The following NXPE2 variants were observed in gnomAD, a reference collection of about 807,000 sequenced individuals.
NXPE2 encodes the protein neurexophilin and PC-esterase domain family member 2, also known as NXPE family member 2.
Under a neutral mutation model 34.4 loss-of-function variants are expected in NXPE2, and 34 were observed. That is an observed-to-expected ratio of 0.99 (90% CI 0.75 to 1.31). The LOEUF (loss-of-function observed/expected upper bound fraction) is 1.31. NXPE2 is among the 40% of genes most tolerant of loss of function. NXPE2 has a pLI of 0.00. For synonymous variants in NXPE2, 235 were observed against 231.3 expected (o/e 1.02, Z -0.15); for missense variants, 649 against 672.5 (o/e 0.97, Z 0.39).
the NXPE2 span, among the ~76,000 whole-genome samples, chr11:114,774,896 G>GT: frequency 2.6e-5 from 4 of 152,188 alleles, no homozygotes; most frequent in Non-Finnish European, 4.4e-5. Flanking sequence ...CTGTGCGCTG[G>GT]TACCTATGGC....
chr11:114,691,865 TG>T (rs1200498218), intron 2 of NXPE2, among the ~76,000 whole-genome samples: 3 of 152,184 alleles, frequency 2.0e-5, no homozygotes, highest in African/African-American at 7.2e-5. Context: ...TTGGAGCTGA[TG>T]GGGCACTGTT....
chr11:114,579,036 T>C, the NXPE2 span, among the ~76,000 whole-genome samples: 1 of 152,196 alleles, frequency 6.6e-6, no homozygotes, highest in Non-Finnish European at 1.5e-5. Context: ...CTGGGTAATT[T>C]ATAAGGAAAG....
rs1229182964 is a variant in NXPE2, at chr11:114,698,649, A to G, written c.737A>G (p.Asp246Gly). 1 of 1,614,094 alleles carries G rather than the reference A, an allele frequency of 6.2e-7. No individual in the cohort carries two copies. Among genetic ancestry groups the G allele is most frequent in the Non-Finnish European group, 8.5e-7 (1 of 1,180,028 alleles). ...AATGCTGAACTGTGCCAGTACATGG[A>G]TGACAGAGACCAAGAAGCCTTCTAC... ...NTNAELCQYM[D>G]DRDQEAFYCV... The change falls in exon 3 of 6, where the codon GAT (aspartate) becomes GGT (glycine). Residue 246 changes from aspartate (D) to glycine (G), a missense_variant. Transcript: ENST00000389586.
chr11:114,612,264 C>T, the NXPE2 span, among the ~76,000 whole-genome samples: 229 of 151,988 alleles, frequency 1.5e-3, 1 homozygote, highest in East Asian at 0.017. Context: ...AGTGTTGCCT[C>T]TTCAGTAACC....
At chr11:114,505,158 G>A in the NXPE2 span, among the ~76,000 whole-genome samples, 3 of 151,792 alleles carry the variant, frequency 2.0e-5, no homozygotes, top group Admixed American at 6.6e-5. Flanking sequence ...TCTGAAATAA[G>A]ACAGGCAGAC....
the NXPE2 span, among the ~76,000 whole-genome samples, chr11:114,660,853 A>C: frequency 6.6e-6 from 1 of 152,154 alleles, no homozygotes; most frequent in Non-Finnish European, 1.5e-5. Context: ...ATTCCAAAGA[A>C]TCTACATAAA....
the NXPE2 span, among the ~76,000 whole-genome samples, chr11:114,621,072 C>T: frequency 2.1e-3 from 318 of 152,092 alleles, 3 homozygotes; most frequent in African/African-American, 7.3e-3. Flanking sequence ...ACCACTATTA[C>T]CCCGTGGATA....
At chr11:114,692,113 G>T (rs1951164224) in intron 2 of NXPE2, among the ~76,000 whole-genome samples, 1 of 152,176 alleles carries the variant, frequency 6.6e-6, no homozygotes, top group African/African-American at 2.4e-5. Context: ...TGCCTTTCCA[G>T]AGCAAATGCT....
the NXPE2 span, among the ~76,000 whole-genome samples, chr11:114,790,836 G>A: frequency 9.2e-5 from 14 of 152,258 alleles, no homozygotes; most frequent in Admixed American, 9.2e-4. Flanking sequence ...TGCTCCCTAT[G>A]TCATGATATC....
At chr11:114,598,559 G>A in the NXPE2 span, among the ~76,000 whole-genome samples, 1 of 152,220 alleles carries the variant, frequency 6.6e-6, no homozygotes, top group Non-Finnish European at 1.5e-5. Flanking sequence ...AGTCTCTCAA[G>A]CCTCAACTCT....
chr11:114,573,072 A>C, the NXPE2 span, among the ~76,000 whole-genome samples: 1 of 152,130 alleles, frequency 6.6e-6, no homozygotes, highest in Non-Finnish European at 1.5e-5. Context: ...CTCCTTAAAC[A>C]AAAAAATTAT....
the NXPE2 span, among the ~76,000 whole-genome samples, chr11:114,725,669 C>G: frequency 4.6e-3 from 700 of 152,092 alleles, 3 homozygotes; most frequent in African/African-American, 0.015. Context: ...TATCTATAGC[C>G]TTCTTGTCAG....
the NXPE2 span, among the ~76,000 whole-genome samples, chr11:114,573,659 A>C: frequency 1.3e-5 from 2 of 152,094 alleles, no homozygotes; most frequent in African/African-American, 4.8e-5. Flanking sequence ...TTCAACAGGA[A>C]AATACCACAA....
chr11:114,554,190 A>G, the NXPE2 span: 324 of 984,900 alleles, frequency 3.3e-4, 4 homozygotes, highest in South Asian at 0.013. Context: ...ATCAGCTGTA[A>G]TAGAAACTTG....
At chr11:114,577,056 TAC>T in the NXPE2 span, among the ~76,000 whole-genome samples, 60 of 31,392 alleles carry the variant, frequency 1.9e-3, no homozygotes, top group African/African-American at 0.01. Context: ...TATATATATA[TAC>T]ATATATATAT....
chr11:114,609,656 C>T, the NXPE2 span, among the ~76,000 whole-genome samples: 5 of 150,994 alleles, frequency 3.3e-5, no homozygotes, highest in East Asian at 2.0e-4. Flanking sequence ...TCGTGGGTAA[C>T]GACTATTACC....
At chr11:114,804,315 T>A in the NXPE2 span, among the ~76,000 whole-genome samples, 2 of 152,248 alleles carry the variant, frequency 1.3e-5, no homozygotes, top group African/African-American at 4.8e-5. Flanking sequence ...TCTATGGTTT[T>A]GTCCCTTTAT....
the NXPE2 span, among the ~76,000 whole-genome samples, chr11:114,619,125 C>T: frequency 1.3e-5 from 2 of 152,076 alleles, no homozygotes; most frequent in Non-Finnish European, 1.5e-5. Flanking sequence ...AGTGTTGCCT[C>T]GTGGGTAACC....
chr11:114,623,438 A>C, the NXPE2 span, among the ~76,000 whole-genome samples: 4 of 152,078 alleles, frequency 2.6e-5, no homozygotes, highest in South Asian at 8.3e-4. Context: ...GTATTCCCTC[A>C]TGGGTAACCA....
Sources: allele counts gnomAD v4.1 joint callset (sites outside exome capture counted in the v4.1 genomes callset), GRCh38; gene constraint gnomAD v4.1.1; transcripts MANE v1.5; gene names NCBI Gene and HGNC (gene_info 2026-07-23, HGNC 2026-07-21).